Variants in PADI3 observed in about 807,000 individuals in gnomAD.
PADI3 encodes protein-arginine deiminase type-3.
PADI3 carries 53 observed loss-of-function variants against 71.5 expected under a neutral mutation model. The observed-to-expected ratio is 0.74, with a 90% CI of 0.59 to 0.93. PADI3 has a LOEUF of 0.93. Among genes scored for constraint, PADI3 ranks in the 40% least tolerant of loss-of-function variants. The probability of loss-of-function intolerance (pLI) is 0.00; values close to 1 mark genes in which losing one functional copy is unlikely to be tolerated. For missense variants in PADI3, 821 were observed against 868.0 expected (o/e 0.95, Z 0.68); for synonymous variants, 361 against 347.5 (o/e 1.04, Z -0.43).
intron 9 of PADI3, among the ~76,000 whole-genome samples, chr1:17,271,852 AAAAG>A (rs1490366716): frequency 7.6e-4 from 110 of 145,446 alleles, no homozygotes; most frequent in African/African-American, 2.4e-3. Context: ...AAAAAAAAAA[AAAAG>A]AGAGAGAGAG....
At chr1:17,254,436 A>G (rs76296067) in intron 1 of PADI3, among the ~76,000 whole-genome samples, 14,047 of 152,208 alleles carry the variant, frequency 0.092, 691 homozygotes, top group South Asian at 0.2. Flanking sequence ...TGAAGGGAGA[A>G]GATGGGTTTG....
At chr1:17,261,474 A>G (rs2073102471) in intron 2 of PADI3, among the ~76,000 whole-genome samples, 1 of 152,176 alleles carries the variant, frequency 6.6e-6, no homozygotes, top group South Asian at 2.1e-4. Flanking sequence ...AAAGTGGGGG[A>G]TTCAGAATCT....
At position 17,265,817 on chromosome 1, in the gene PADI3, C is replaced by T; in HGVS notation, c.408+97C>T. On this transcript the variant is annotated intron_variant, in intron 4 of 15. Transcript: ENST00000375460. ...TGAGGCCATTACAGATATCCCCCTG[C>T]CTCCCAGCTGATGCCGAGACCAAGG... 2.8e-6 allele frequency: 3 copies of T among 1,077,912 alleles called. No homozygotes were observed. The South Asian group carries it at 3.9e-5, about 14-fold the overall frequency. The allele number at this position is 1,077,912 out of a possible 1,614,324, so 66.8% of individuals were successfully genotyped here.
At chr1:17,265,083 G>A (rs1397313690) in intron 3 of PADI3, among the ~76,000 whole-genome samples, 1 of 151,222 alleles carries the variant, frequency 6.6e-6, no homozygotes, top group Non-Finnish European at 1.5e-5. Context: ...TCTTCTTTAA[G>A]AACTAAGAAG....
chr1:17,258,791 A>G (rs1037586986), intron 1 of PADI3, among the ~76,000 whole-genome samples: 7 of 152,256 alleles, frequency 4.6e-5, no homozygotes, highest in Admixed American at 2.0e-4. Flanking sequence ...TTCCCTTCCC[A>G]GGGAAGAATT....
intron 13 of PADI3, among the ~76,000 whole-genome samples, chr1:17,278,384 C>T (rs551159567): frequency 2.0e-5 from 3 of 152,110 alleles, no homozygotes; most frequent in Admixed American, 6.5e-5. Flanking sequence ...TGCACCACCA[C>T]GCCTGGCTAA....
chr1:17,277,357 G>A (rs2073348347), intron 13 of PADI3, among the ~76,000 whole-genome samples: 1 of 152,240 alleles, frequency 6.6e-6, no homozygotes, highest in South Asian at 2.1e-4. Flanking sequence ...ACCACGCCCG[G>A]CTAATTTTGT....
rs766186987 is a variant in PADI3, at chr1:17,283,107, C to T, written c.*28C>T. ...CAGCTCCCACCCACCATCCTGTCCC[C>T]CTGGGGCGGGCATTGGCCCAGGTGG... is the stretch of plus-strand genomic sequence containing the variant. On this transcript the variant is annotated 3_prime_UTR_variant, in exon 16 of 16. Transcript: ENST00000375460. 4 of 1,582,818 alleles carry T rather than the reference C, an allele frequency of 2.5e-6. No homozygotes were observed. The highest frequency in any genetic ancestry group is 2.6e-6 in the Non-Finnish European group (3 of 1,153,140).
intron 6 of PADI3, among the ~76,000 whole-genome samples, chr1:17,269,677 G>C (rs760957800): frequency 5.9e-5 from 9 of 152,164 alleles, no homozygotes; most frequent in Non-Finnish European, 1.3e-4. Flanking sequence ...GAGTGCAGTG[G>C]TGTGATCTTG....
intron 1 of PADI3, among the ~76,000 whole-genome samples, chr1:17,252,397 CTTCTT>C (rs1557495594): frequency 4.8e-5 from 3 of 62,244 alleles, no homozygotes; most frequent in Admixed American, 2.3e-4. Context: ...TTCTTTTCTT[CTTCTT>C]TTTTTTTTTT....
chr1:17,270,920 C>T lies in PADI3; in HGVS notation c.873C>T (p.Phe291=), dbSNP rs780639796. Residue 291 remains phenylalanine (F), a synonymous_variant, in exon 8 of 16, where the codon TTC becomes TTT. Coordinates refer to ENST00000375460, the MANE Select transcript of PADI3 (RefSeq NM_016233.2). The part of the protein sequence containing the change: ...ASPIFTDTVV[F]RVAPWIMTPS... Reference sequence around the variant, plus strand: ...CTATCTTCACTGACACTGTGGTGTTCCGAGTGGCACCCTGGATCATGACGC... The same window carrying T: ...CTATCTTCACTGACACTGTGGTGTTTCGAGTGGCACCCTGGATCATGACGC... 2 of 1,614,086 alleles carry T rather than the reference C, an allele frequency of 1.2e-6. No homozygotes were observed. The highest frequency in any genetic ancestry group is 1.7e-5 in the Admixed American group (1 of 60,008).
intron 1 of PADI3, among the ~76,000 whole-genome samples, chr1:17,257,046 A>C (rs1436285391): frequency 2.7e-5 from 4 of 150,876 alleles, no homozygotes; most frequent in Non-Finnish European, 5.9e-5. Flanking sequence ...AAAAAAAAAA[A>C]AAAAAAAAAA....
intron 3 of PADI3, among the ~76,000 whole-genome samples, chr1:17,262,476 C>T (rs1291821414): frequency 6.6e-6 from 1 of 152,148 alleles, no homozygotes; most frequent in Admixed American, 6.6e-5. Context: ...TTCTGCTAAG[C>T]CTCCACAAAT....
Position 17,280,763 on chromosome 1 carries a change from G to A in PADI3, c.1728G>A (p.Glu576=), listed in dbSNP as rs771232996. The A allele has an allele frequency of 5.6e-6, 9 of 1,614,148 alleles. No homozygotes were observed. The highest frequency in any genetic ancestry group is 1.7e-5 in the Admixed American group (1 of 60,024). The change falls in exon 15 of 16, where the codon GAG becomes GAA. Residue 576 remains glutamate (E), a synonymous_variant. Coordinates refer to ENST00000375460, the MANE Select transcript of PADI3 (RefSeq NM_016233.2). ...ACATCCCACAGCTCTTCAAGACCGA[G>A]AGGAAAAAAGCAACGGCCTTCTTCC... ...IIDIPQLFKT[E]RKKATAFFPD...
intron 1 of PADI3, among the ~76,000 whole-genome samples, 198 bp downstream of exon 1, chr1:17,249,427 G>T (rs2072939022): frequency 6.6e-6 from 1 of 152,170 alleles, no homozygotes; most frequent in South Asian, 2.1e-4. Context: ...TTTGAAGTTT[G>T]GGAGGCTGAG....
chr1:17,274,568 C>A, intron 10 of PADI3, 67 bp from the exon 11 acceptor site: 1 of 1,465,616 alleles, frequency 6.8e-7, no homozygotes, highest in Admixed American at 2.0e-5. Context: ...GAGCTCAAAG[C>A]CCAGCAAGTT....
chr1:17,256,838 G>A (rs978161162), intron 1 of PADI3, among the ~76,000 whole-genome samples: 3 of 152,086 alleles, frequency 2.0e-5, no homozygotes, highest in African/African-American at 7.2e-5. Flanking sequence ...TTCAAGACCA[G>A]TCTGGCCAAT....
intron 13 of PADI3, among the ~76,000 whole-genome samples, chr1:17,279,935 G>T (rs1246424617): frequency 2.0e-5 from 3 of 152,200 alleles, no homozygotes; most frequent in Non-Finnish European, 4.4e-5. Flanking sequence ...TGAATCCCAG[G>T]ACTGGCTGGT....
At chr1:17,276,476 C>A in intron 11 of PADI3, 43 bp from the exon 12 acceptor site, 1 of 1,609,444 alleles carries the variant, frequency 6.2e-7, no homozygotes, top group South Asian at 1.1e-5. Flanking sequence ...TGCATGGAGT[C>A]TTTTTAGTTA....
Sources: gnomAD v4.1 joint callset for allele counts (sites outside exome capture counted in the v4.1 genomes callset) on GRCh38, gnomAD v4.1.1 for gene constraint, MANE v1.5 for transcripts, NCBI Gene and HGNC (gene_info 2026-07-23, HGNC 2026-07-21) for gene names.